Variants in MYH10 observed in about 807,000 individuals in gnomAD.
MYH10 encodes the protein myosin-10.
A neutral mutation model predicts 257.8 loss-of-function variants in MYH10; 55 were observed. That is an observed-to-expected ratio of 0.21 (90% CI 0.17 to 0.27). MYH10 has a LOEUF of 0.27. Among genes scored for constraint, MYH10 ranks in the 10% least tolerant of loss-of-function variants. MYH10 has a pLI of 1.00. For missense variants in MYH10, 1,631 were observed against 2,500.6 expected (o/e 0.65, Z 7.42); for synonymous variants, 854 against 921.7 (o/e 0.93, Z 1.33).
chr17:8,598,837 G>A (rs1002593992), intron 3 of MYH10, among the ~76,000 whole-genome samples: 7 of 151,878 alleles, frequency 4.6e-5, no homozygotes, highest in Admixed American at 1.3e-4. Flanking sequence ...CTCCTGAGTA[G>A]CTAGGACTAT....
At chr17:8,514,365 C>T (rs912797239) in intron 21 of MYH10, among the ~76,000 whole-genome samples, 2 of 152,164 alleles carry the variant, frequency 1.3e-5, no homozygotes, top group African/African-American at 4.8e-5. Flanking sequence ...TCCTTCCCTC[C>T]ACTTTGCCGC....
rs930302848 is a variant in MYH10, at chr17:8,508,602, A to T, written c.3166T>A (p.Leu1056Met). Residue 1056 changes from leucine (L) to methionine (M), a missense_variant, in exon 26 of 43, where the codon TTG (leucine) becomes ATG (methionine). Leu to Met is a conservative substitution (Grantham distance 15). Coordinates refer to ENST00000360416, the MANE Select transcript of MYH10 (RefSeq NM_001256012.3). ...TCTTGCTTATTCCTGATTTTGGCCA[A>T]GTTTTTCGCCTTTTCTTCCTCTTCA... is the stretch of plus-strand genomic sequence containing the variant. Reference protein sequence around the residue: ...LAEEEEKAKNLAKIRNKQEVM... With the variant: ...LAEEEEKAKNMAKIRNKQEVM... 9 of 1,614,082 alleles carry T rather than the reference A, an allele frequency of 5.6e-6. No homozygotes were observed. The highest frequency in any genetic ancestry group is 7.6e-6 in the Non-Finnish European group (9 of 1,180,018).
intron 35 of MYH10, 46 bp from the exon 36 acceptor site, chr17:8,487,640 C>T (rs750875354): frequency 1.2e-6 from 2 of 1,610,236 alleles, no homozygotes; most frequent in Non-Finnish European, 8.5e-7. Flanking sequence ...CAAGTATCTG[C>T]TCGCAGAACA....
intron 3 of MYH10, among the ~76,000 whole-genome samples, chr17:8,602,826 T>G (rs1276870541): frequency 6.6e-6 from 1 of 152,210 alleles, no homozygotes; most frequent in Non-Finnish European, 1.5e-5. Flanking sequence ...AAAATAGGGA[T>G]AGTAATTCTA....
At chr17:8,492,176 G>T in intron 34 of MYH10, 121 bp downstream of exon 34, 2 of 954,592 alleles carry the variant, frequency 2.1e-6, no homozygotes, top group Non-Finnish European at 3.2e-6. Context: ...TGGCTTTGCT[G>T]CTGGGCTGTG....
chr17:8,481,240 C>A (rs961799928), intron 38 of MYH10, 82 bp downstream of exon 38: 3 of 1,365,094 alleles, frequency 2.2e-6, no homozygotes, highest in Non-Finnish European at 3.1e-6. Context: ...CCGCTGATGC[C>A]AGGTGTGTGG....
At chr17:8,536,036 G>A (rs1342394005) in intron 14 of MYH10, 105 bp from the exon 15 acceptor site, 9 of 1,089,984 alleles carry the variant, frequency 8.3e-6, no homozygotes, top group East Asian at 2.5e-5. Context: ...GAAGATCCAT[G>A]GAAAACAAAT....
Position 8,504,714 on chromosome 17 carries a change from C to A in MYH10, c.3579G>T (p.Thr1193=), listed in dbSNP as rs575524243. The change falls in exon 28 of 43, where the codon ACG becomes ACT. Residue 1193 remains threonine (T), a synonymous_variant. Coordinates refer to ENST00000360416, the MANE Select transcript of MYH10 (RefSeq NM_001256012.3). The surrounding 1 kb of genome is among the most constrained non-coding windows in gnomAD (Gnocchi z 5.6). ...KTELEDTLDT[T]AAQQELRTKR... ...CTCACCGTAGTTCCTGCTGGGCTGC[C>A]GTGGTGTCCAGCGTGTCCTCCAGCT... 1 of 1,614,096 alleles carries A rather than the reference C, an allele frequency of 6.2e-7. No individual in the cohort carries two copies. Among genetic ancestry groups the A allele is most frequent in the Non-Finnish European group, 8.5e-7 (1 of 1,180,022 alleles).
intron 6 of MYH10, among the ~76,000 whole-genome samples, chr17:8,571,828 C>A (rs2083354163): frequency 6.6e-6 from 1 of 152,116 alleles, no homozygotes; most frequent in Admixed American, 6.6e-5. Context: ...CTCCACCCCC[C>A]CGGGGTCAGC....
At position 8,506,257 on chromosome 17, in the gene MYH10, C is replaced by T; in HGVS notation, c.3386+61G>A. 6.7e-7 allele frequency: 1 copy of T among 1,498,320 alleles called. No homozygotes were observed. Among genetic ancestry groups the T allele is most frequent in the Non-Finnish European group, 8.9e-7 (1 of 1,129,432 alleles). 92.8% of individuals were successfully genotyped at this position (1,498,320 alleles called of 1,614,324 possible). Reference sequence around the variant, plus strand: ...GGTTTTTGAATGCTCCCGAACATAACAAAGTCTGCTGAAACTCAGCCCCAT... The same window carrying T: ...GGTTTTTGAATGCTCCCGAACATAATAAAGTCTGCTGAAACTCAGCCCCAT... On this transcript the variant is annotated intron_variant, in intron 27 of 42. Transcript: ENST00000360416. This position sits in a 1 kb window ranked among gnomAD's most constrained non-coding sequence, Gnocchi z 5.0.
rs572778743 is a variant in MYH10 at position 8,574,894 on chromosome 17, C to T, written c.663+1749G>A. 5.9e-5 allele frequency among the ~76,000 whole-genome samples: 9 copies of T among 152,360 alleles called. No individual in the cohort carries two copies. The South Asian group carries it at 1.0e-3, about 18-fold the overall frequency. On this transcript the variant is annotated intron_variant, in intron 6 of 42. Coordinates refer to ENST00000360416, the MANE Select transcript of MYH10 (RefSeq NM_001256012.3). ...TAACTTCTTGAATGGTACCCTTCCACGGTGTGACCATTCCGTACGGTGCTG... is the reference window on the plus strand; with the variant it reads ...TAACTTCTTGAATGGTACCCTTCCATGGTGTGACCATTCCGTACGGTGCTG...
chr17:8,600,756 G>T (rs1217721721), intron 3 of MYH10, among the ~76,000 whole-genome samples: 1 of 152,124 alleles, frequency 6.6e-6, no homozygotes, highest in Admixed American at 6.5e-5. Flanking sequence ...AGGAGTAATG[G>T]TTTAGCAGAC....
At position 8,572,230 on chromosome 17, in the gene MYH10, G is replaced by C. The variant is rs946620873; in HGVS notation, c.664-2418C>G. ...TATTGGTTCTTTTCTTTTCCTCTCTGTGTGTGTGTGTGTGTGTGTGTGTGT... is the reference window on the plus strand; with the variant it reads ...TATTGGTTCTTTTCTTTTCCTCTCTCTGTGTGTGTGTGTGTGTGTGTGTGT... On this transcript the variant is annotated intron_variant, in intron 6 of 42. Coordinates refer to ENST00000360416, the MANE Select transcript of MYH10 (RefSeq NM_001256012.3). 6.3e-3 allele frequency among the ~76,000 whole-genome samples: 492 copies of C among 77,936 alleles called. 3 individuals carry two copies. The highest frequency in any genetic ancestry group is 0.022 in the African/African-American group (469 of 21,544). The allele number at this position is 77,936 out of a possible 152,430, so 51.1% of individuals were successfully genotyped here.
intron 10 of MYH10, 105 bp from the exon 11 acceptor site, chr17:8,548,513 A>T (rs1290949943): frequency 1.9e-5 from 27 of 1,411,866 alleles, no homozygotes; most frequent in Non-Finnish European, 3.9e-6. Flanking sequence ...AAAACTTTTC[A>T]GTAAGACATG....
chr17:8,480,499 C>A lies in MYH10; in HGVS notation c.5291G>T (p.Arg1764Leu). The A allele has an allele frequency of 1.2e-6, 2 of 1,610,496 alleles. No homozygotes were observed. The highest frequency in any genetic ancestry group is 1.7e-6 in the Non-Finnish European group (2 of 1,179,876). ...GKSALLDEKRRLEARIAQLEE... is the reference protein window; with the variant it reads ...GKSALLDEKRLLEARIAQLEE... ...CAGCTGTGCGATCCGAGCTTCCAGA[C>A]GCCGCTTCTCATCCAGCAGCGCGGA... The change falls in exon 39 of 43, where the codon CGT becomes CTT. Residue 1764 changes from arginine to leucine, a missense_variant. Transcript: ENST00000360416.
intron 2 of MYH10, among the ~76,000 whole-genome samples, chr17:8,617,710 A>G (rs2085321476): frequency 6.6e-6 from 1 of 152,192 alleles, no homozygotes; most frequent in South Asian, 2.1e-4. Context: ...CAAACAGAGA[A>G]AAAAACAATG....
At chr17:8,507,816 A>G (rs1459623855) in intron 26 of MYH10, among the ~76,000 whole-genome samples, 2 of 152,140 alleles carry the variant, frequency 1.3e-5, no homozygotes, top group Non-Finnish European at 2.9e-5. Flanking sequence ...TACTAAAAAT[A>G]CAAAATTAGC....
intron 30 of MYH10, 77 bp downstream of exon 30, chr17:8,499,193 A>T: frequency 6.9e-7 from 1 of 1,450,580 alleles, no homozygotes; most frequent in Non-Finnish European, 9.4e-7. Context: ...TGGGTCTCTT[A>T]TTGCACAGAG....
At chr17:8,626,416 A>C (rs1387339605) in intron 1 of MYH10, among the ~76,000 whole-genome samples, 2 of 151,776 alleles carry the variant, frequency 1.3e-5, no homozygotes, top group Non-Finnish European at 2.9e-5. Flanking sequence ...AAATACAAAA[A>C]ATTAGCTGGG....
Sources: gnomAD v4.1 joint callset for allele counts (sites outside exome capture counted in the v4.1 genomes callset) on GRCh38, gnomAD v4.1.1 for gene constraint, Gnocchi (gnomAD v3.1) non-coding constraint, MANE v1.5 for transcripts, NCBI Gene and HGNC (gene_info 2026-07-23, HGNC 2026-07-21) for gene names.